Variants in GALE observed in about 807,000 individuals in gnomAD.
The protein encoded by GALE is UDP-galactose-4-epimerase.
A neutral mutation model predicts 44.1 loss-of-function variants in GALE; 32 were observed. That is an observed-to-expected ratio of 0.73 (90% CI 0.55 to 0.97). The LOEUF (loss-of-function observed/expected upper bound fraction) is 0.97. GALE is among the 50% of genes least tolerant of loss of function. The probability of loss-of-function intolerance (pLI) is 0.00; values close to 1 mark genes in which losing one functional copy is unlikely to be tolerated. For missense variants in GALE, 423 were observed against 455.6 expected, an observed-to-expected ratio of 0.93 and a Z score of 0.65; for synonymous variants, 182 against 183.5, an observed-to-expected ratio of 0.99 and a Z score of 0.06.
Position 23,795,845 on chromosome 1 carries a change from G to A in GALE, c.*104C>T. ...GGGCCCAGCTGGGGTTTGAGGTAGG[G>A]GAGGCCTTGGCTTGGCCCCAGCAGC... On this transcript the variant is annotated 3_prime_UTR_variant, in exon 12 of 12. Transcript: ENST00000617979. 5 of 1,143,992 alleles carry A rather than the reference G, an allele frequency of 4.4e-6. No homozygotes were observed. Among genetic ancestry groups the A allele is most frequent in the Non-Finnish European group, 5.2e-6 (4 of 767,932 alleles). 70.9% of individuals were successfully genotyped at this position (1,143,992 alleles called of 1,614,324 possible).
Position 23,795,680 on chromosome 1 carries a change from G to A in GALE, c.*269C>T. The A allele has an allele frequency of 1.7e-6, 1 of 586,106 alleles. No individual in the cohort carries two copies. Among genetic ancestry groups the A allele is most frequent in the Non-Finnish European group, 3.1e-6 (1 of 327,820 alleles). 36.3% of individuals were successfully genotyped at this position (586,106 alleles called of 1,614,324 possible). ...CAATATAAATGAGTGCCTGGGAGGA[G>A]GAGGTTTTGTGCCAGAGCCTTGCCC... On this transcript the variant is annotated 3_prime_UTR_variant, in exon 12 of 12. Coordinates refer to ENST00000617979, the MANE Select transcript of GALE (RefSeq NM_001008216.2).
chr1:23,796,560 G>A lies in GALE; in HGVS notation c.822C>T (p.Gly274=), dbSNP rs915303855. ...CCTGGACCATCTGCAGCACTGAATA[G>A]CCTGTGCCCGTGCCCAGGTTGTAGA... The part of the protein sequence containing the change: ...CRIYNLGTGT[G]YSVLQMVQAM... The change falls in exon 10 of 12, where the codon GGC becomes GGT. Residue 274 remains glycine, a synonymous_variant. Transcript: ENST00000617979. The surrounding 1 kb of genome is among the most constrained non-coding windows in gnomAD (Gnocchi z 5.2). The A allele has an allele frequency of 1.2e-6, 2 of 1,614,114 alleles. No homozygotes were observed. Among genetic ancestry groups the A allele is most frequent in the Admixed American group, 3.3e-5 (2 of 60,018 alleles).
intron 2 of GALE, 99 bp from the exon 3 acceptor site, chr1:23,799,111 C>T (rs987573227): frequency 1.3e-5 from 19 of 1,514,480 alleles, no homozygotes; most frequent in Middle Eastern, 3.4e-4. Flanking sequence ...TGGAAGGAGG[C>T]GGCAGTGTGC....
In GALE at chr1:23,796,933, C is replaced by T. The variant is rs747453873; in HGVS notation, c.652G>A (p.Gly218Arg). 8.1e-6 allele frequency: 13 copies of T among 1,613,294 alleles called. No homozygotes were observed. The highest frequency in any genetic ancestry group is 6.7e-5 in the Admixed American group (4 of 59,910). Residue 218 changes from glycine (G) to arginine (R), a missense_variant, in exon 8 of 12, where the codon GGG becomes AGG. Gly to Arg is a moderately radical substitution (Grantham distance 125). Transcript: ENST00000617979. This position sits in a 1 kb window ranked among gnomAD's most constrained non-coding sequence, Gnocchi z 5.2. ...AAGACATTCAGGGCCTCCCGTCGCC[C>T]GATCGCCACCTGGAGGTGGAGATCA... The part of the protein sequence containing the change: ...LMPYVSQVAI[G>R]RREALNVFGN...
Position 23,796,929 on chromosome 1 carries a change from C to G in GALE, c.656G>C (p.Arg219Pro). 6.2e-7 allele frequency: 1 copy of G among 1,613,486 alleles called. No homozygotes were observed. The change falls in exon 8 of 12, where the codon CGA (arginine) becomes CCA (proline). Residue 219 changes from arginine to proline, a missense_variant. By Grantham distance (103) the Arg-to-Pro change is moderately radical (BLOSUM62 -2). Transcript: ENST00000617979. This position sits in a 1 kb window ranked among gnomAD's most constrained non-coding sequence, Gnocchi z 5.2. ...GCCAAAGACATTCAGGGCCTCCCGT[C>G]GCCCGATCGCCACCTGGAGGTGGAG... ...MPYVSQVAIGRREALNVFGND... is the reference protein window; with the variant it reads ...MPYVSQVAIGPREALNVFGND...
At position 23,796,462 on chromosome 1, in the gene GALE, G is replaced by T; in HGVS notation, c.873+47C>A. 1 of 1,589,726 alleles carries T rather than the reference G, an allele frequency of 6.3e-7. No individual in the cohort carries two copies. Among genetic ancestry groups the T allele is most frequent in the Non-Finnish European group, 8.6e-7 (1 of 1,163,284 alleles). Reference sequence around the variant, plus strand: ...GGCCAAAGCTGCTCTGTTGCTGAGAGCTGGGTGGGGTGAGGTGGGTGAGGT... The same window carrying T: ...GGCCAAAGCTGCTCTGTTGCTGAGATCTGGGTGGGGTGAGGTGGGTGAGGT... On this transcript the variant is annotated intron_variant, in intron 10 of 11. Transcript: ENST00000617979. The surrounding 1 kb of genome is among the most constrained non-coding windows in gnomAD (Gnocchi z 5.2).
At chr1:23,800,097 C>A (rs920394595) in intron 1 of GALE, 1 of 152,260 alleles carries the variant, frequency 6.6e-6, no homozygotes, top group East Asian at 1.9e-4. Context: ...GGTGTTATCA[C>A]TGGCACTTTA....
chr1:23,798,547 C>T lies in GALE; in HGVS notation c.237+68G>A, dbSNP rs1461289387. 3 of 1,123,978 alleles carry T rather than the reference C, an allele frequency of 2.7e-6. No homozygotes were observed. The highest frequency in any genetic ancestry group is 4.1e-6 in the Non-Finnish European group (3 of 739,610). 69.6% of individuals were successfully genotyped at this position (1,123,978 alleles called of 1,614,324 possible). ...TCTTGAACACCTGGGCTCAAGTGAT[C>T]TCCTCACCTCGGCCTTCCAAAGTGC... is the stretch of plus-strand genomic sequence containing the variant. On this transcript the variant is annotated intron_variant, in intron 4 of 11. Transcript: ENST00000617979. This position sits in a 1 kb window ranked among gnomAD's most constrained non-coding sequence, Gnocchi z 4.5.
chr1:23,796,851 T>C lies in GALE; in HGVS notation c.709+25A>G, dbSNP rs1570630942. 2 of 1,611,872 alleles carry C rather than the reference T, an allele frequency of 1.2e-6. No homozygotes were observed. The highest frequency in any genetic ancestry group is 2.2e-5 in the East Asian group (1 of 44,868). ...GACTCTCCTTCCTGGCTCCCACTCC[T>C]AGGTCCCCCTGGTCCTAGGCTCACC... On this transcript the variant is annotated intron_variant, in intron 8 of 11. Transcript: ENST00000617979. This position sits in a 1 kb window ranked among gnomAD's most constrained non-coding sequence, Gnocchi z 5.2.
At position 23,797,145 on chromosome 1, in the gene GALE, A is replaced by C. The variant is rs530956805; in HGVS notation, c.531T>G (p.Thr177=). The change falls in exon 7 of 12, where the codon ACT becomes ACG. Residue 177 remains threonine (T), a splice_region_variant and synonymous_variant. Coordinates refer to ENST00000617979, the MANE Select transcript of GALE (RefSeq NM_001008216.2). ...AATAGCGCAGCAGCACTGCGTTCCA[A>C]GTCTGTGGGATGTGGGTCAGGTGGT... ...MIRDLCQADK[T]WNAVLLRYFN... The C allele has an allele frequency of 6.2e-7, 1 of 1,603,988 alleles. No homozygotes were observed. The highest frequency in any genetic ancestry group is 8.5e-7 in the Non-Finnish European group (1 of 1,175,206).
Position 23,796,805 on chromosome 1 carries a change from G to A in GALE, c.710-23C>T. 6.2e-7 allele frequency: 1 copy of A among 1,608,086 alleles called. No homozygotes were observed. Among genetic ancestry groups the A allele is most frequent in the Non-Finnish European group, 8.5e-7 (1 of 1,176,946 alleles). ...CACCTGCAGAGAAGGGAGTGTGTTG[G>A]ATGGGGAGTCTGTTCCCCCTGACTC... On this transcript the variant is annotated intron_variant, in intron 8 of 11. Transcript: ENST00000617979. The surrounding 1 kb of genome is among the most constrained non-coding windows in gnomAD (Gnocchi z 5.2).
In GALE at chr1:23,800,696, A is replaced by C. The variant is rs1486236141; in HGVS notation, c.-77+16T>G. ...CCCTCGCGAGCCCACCCGGCCCTTC[A>C]TTCCGTCTCCCGAACCTGCTCGGGT... On this transcript the variant is annotated intron_variant, in intron 1 of 11. Coordinates refer to ENST00000617979, the MANE Select transcript of GALE (RefSeq NM_001008216.2). 1.3e-5 allele frequency: 2 copies of C among 151,658 alleles called. No homozygotes were observed. Among genetic ancestry groups the C allele is most frequent in the African/African-American group, 2.4e-5 (1 of 41,204 alleles). The allele number at this position is 151,658 out of a possible 1,614,324, so 9.4% of individuals were successfully genotyped here.
chr1:23,799,096 C>T (rs921798569), intron 2 of GALE, 84 bp from the exon 3 acceptor site: 10 of 1,587,490 alleles, frequency 6.3e-6, no homozygotes, highest in Admixed American at 1.7e-5. Flanking sequence ...CCCCTAAGCT[C>T]GCTTTGGAAG....
rs1638225702 is a variant in GALE at position 23,800,703 on chromosome 1, C to G, written c.-77+9G>C. ...GAGCCCACCCGGCCCTTCATTCCGT[C>G]TCCCGAACCTGCTCGGGTTCCCGCG... On this transcript the variant is annotated intron_variant, in intron 1 of 11. Coordinates refer to ENST00000617979, the MANE Select transcript of GALE (RefSeq NM_001008216.2). 1 of 152,284 alleles carries G rather than the reference C, an allele frequency of 6.6e-6. No homozygotes were observed. The highest frequency in any genetic ancestry group is 2.1e-4 in the South Asian group (1 of 4,838). 9.4% of individuals were successfully genotyped at this position (152,284 alleles called of 1,614,324 possible). A position where few individuals can be genotyped will look rare whatever the true frequency, so the allele number is the denominator to read the frequency against.
Position 23,795,753 on chromosome 1 carries a change from G to A in GALE, c.*196C>T. 1 of 627,368 alleles carries A rather than the reference G, an allele frequency of 1.6e-6. No homozygotes were observed. The highest frequency in any genetic ancestry group is 2.9e-6 in the Non-Finnish European group (1 of 348,968). The allele number at this position is 627,368 out of a possible 1,614,324, so 38.9% of individuals were successfully genotyped here. ...TGATGAACTCTTGGACCCTGTGGAA[G>A]ATAAGAGTTAGAGACCTCGGCCTCC... On this transcript the variant is annotated 3_prime_UTR_variant, in exon 12 of 12. Coordinates refer to ENST00000617979, the MANE Select transcript of GALE (RefSeq NM_001008216.2).
rs1638925232 is a variant in GALE, at chr1:23,795,730, A to G, written c.*219T>C. 1.6e-6 allele frequency: 1 copy of G among 606,112 alleles called. No homozygotes were observed. The highest frequency in any genetic ancestry group is 1.9e-5 in the African/African-American group (1 of 53,856). The allele number at this position is 606,112 out of a possible 1,614,324, so 37.5% of individuals were successfully genotyped here. A position where few individuals can be genotyped will look rare whatever the true frequency, so the allele number is the denominator to read the frequency against. On this transcript the variant is annotated 3_prime_UTR_variant, in exon 12 of 12. Coordinates refer to ENST00000617979, the MANE Select transcript of GALE (RefSeq NM_001008216.2). Reference sequence around the variant, plus strand: ...CCCTCACTCACTCTTGGGGGTCCTGATGAACTCTTGGACCCTGTGGAAGAT... The same window carrying G: ...CCCTCACTCACTCTTGGGGGTCCTGGTGAACTCTTGGACCCTGTGGAAGAT...
In GALE at chr1:23,798,098, C is replaced by T; in HGVS notation, c.351+19G>A. 6.3e-7 allele frequency: 1 copy of T among 1,585,372 alleles called. No homozygotes were observed. The highest frequency in any genetic ancestry group is 8.7e-7 in the Non-Finnish European group (1 of 1,153,732). Reference sequence around the variant, plus strand: ...CTGGACACCCTCCTAGTGTCTGTGCCCTGTCCCATGCCTCTCACCTCCAGA... The same window carrying T: ...CTGGACACCCTCCTAGTGTCTGTGCTCTGTCCCATGCCTCTCACCTCCAGA... On this transcript the variant is annotated intron_variant, in intron 5 of 11. Transcript: ENST00000617979. This position sits in a 1 kb window ranked among gnomAD's most constrained non-coding sequence, Gnocchi z 4.5.
At position 23,798,333 on chromosome 1, in the gene GALE, C is replaced by G; in HGVS notation, c.238-103G>C. On this transcript the variant is annotated intron_variant, in intron 4 of 11. Coordinates refer to ENST00000617979, the MANE Select transcript of GALE (RefSeq NM_001008216.2). This position sits in a 1 kb window ranked among gnomAD's most constrained non-coding sequence, Gnocchi z 4.5. ...CACCTTTTTTTTTTTTTTTGACAGTCTCGCTCTGTTGTCCAGGCTGGAGTA... is the reference window on the plus strand; with the variant it reads ...CACCTTTTTTTTTTTTTTTGACAGTGTCGCTCTGTTGTCCAGGCTGGAGTA... The G allele has an allele frequency of 1.2e-6, 1 of 821,642 alleles. No homozygotes were observed. Among genetic ancestry groups the G allele is most frequent in the Non-Finnish European group, 2.0e-6 (1 of 490,666 alleles). 50.9% of individuals were successfully genotyped at this position (821,642 alleles called of 1,614,324 possible). A position where few individuals can be genotyped will look rare whatever the true frequency, so the allele number is the denominator to read the frequency against.
chr1:23,798,066 G>T lies in GALE; in HGVS notation c.351+51C>A. 6.8e-7 allele frequency: 1 copy of T among 1,469,992 alleles called. No individual in the cohort carries two copies. Among genetic ancestry groups the T allele is most frequent in the Non-Finnish European group, 9.5e-7 (1 of 1,048,318 alleles). 91.1% of individuals were successfully genotyped at this position (1,469,992 alleles called of 1,614,324 possible). A position where few individuals can be genotyped will look rare whatever the true frequency, so the allele number is the denominator to read the frequency against. Reference sequence around the variant, plus strand: ...TGTTTGGCACTGCCTGCCAGGCTGGGGTCCAGCTGGACACCCTCCTAGTGT... The same window carrying T: ...TGTTTGGCACTGCCTGCCAGGCTGGTGTCCAGCTGGACACCCTCCTAGTGT... On this transcript the variant is annotated intron_variant, in intron 5 of 11. Transcript: ENST00000617979. The surrounding 1 kb of genome is among the most constrained non-coding windows in gnomAD (Gnocchi z 4.5).
Sources: gnomAD v4.1 joint callset for allele counts on GRCh38, gnomAD v4.1.1 for gene constraint, Gnocchi (gnomAD v3.1) non-coding constraint, MANE v1.5 for transcripts, NCBI Gene and HGNC (gene_info 2026-07-23, HGNC 2026-07-21) for gene names.